EP400: variants seen among roughly 807,000 people sequenced by gnomAD.
The protein encoded by EP400 is E1A binding protein p400, also known as E1A-binding protein p400.
In EP400, 105 loss-of-function variants were observed where a neutral mutation model predicts 354.1. That is an observed-to-expected ratio of 0.30 (90% CI 0.25 to 0.35). The LOEUF (loss-of-function observed/expected upper bound fraction) is 0.35. Ranked by LOEUF, EP400 falls within the 10% of genes least tolerant of loss-of-function variation. The probability of loss-of-function intolerance (pLI) is 1.00; values close to 1 mark genes in which losing one functional copy is unlikely to be tolerated. For missense variants in EP400, 3,280 were observed against 4,121.0 expected, an observed-to-expected ratio of 0.80 and a Z score of 5.59; for synonymous variants, 1,646 against 1,716.9, an observed-to-expected ratio of 0.96 and a Z score of 1.02.
chr12:131,952,250 C>T (rs1167074474), intron 1 of EP400, among the ~76,000 whole-genome samples: 2 of 129,638 alleles, frequency 1.5e-5, no homozygotes, highest in African/African-American at 2.9e-5. Flanking sequence ...TTGCAGTGAG[C>T]GGAGATTGCG....
chr12:132,050,543 C>T lies in EP400; in HGVS notation c.7338-56C>T. 1 of 1,613,090 alleles carries T rather than the reference C, an allele frequency of 6.2e-7. No individual in the cohort carries two copies. Among genetic ancestry groups the T allele is most frequent in the Non-Finnish European group, 8.5e-7 (1 of 1,179,152 alleles). On this transcript the variant is annotated intron_variant, in intron 40 of 52. Coordinates refer to ENST00000389561, the MANE Select transcript of EP400 (RefSeq NM_015409.5). The surrounding 1 kb of genome is among the most constrained non-coding windows in gnomAD (Gnocchi z 4.8). ...TGGTTTTGATGTGTTTTTAACATACCCTTCTTCAGATATTTCCTTTATTTA... is the reference window on the plus strand; with the variant it reads ...TGGTTTTGATGTGTTTTTAACATACTCTTCTTCAGATATTTCCTTTATTTA...
At position 132,062,493 on chromosome 12, in the gene EP400, C is replaced by A; in HGVS notation, c.8126C>A (p.Thr2709Asn). The A allele has an allele frequency of 6.2e-7, 1 of 1,613,040 alleles. No homozygotes were observed. The highest frequency in any genetic ancestry group is 8.5e-7 in the Non-Finnish European group (1 of 1,179,910). ...QATGVQLPGK[T>N]ITPAHFQLLR... is the part of the protein sequence containing the mutation. Reference sequence around the variant, plus strand: ...ACAGGAGTTCAGCTCCCTGGAAAAACCATCACACCTGCACATTTCCAGCTT... The same window carrying A: ...ACAGGAGTTCAGCTCCCTGGAAAAAACATCACACCTGCACATTTCCAGCTT... Residue 2709 changes from threonine to asparagine, a missense_variant, in exon 47 of 53, where the codon ACC becomes AAC. This residue lies in a region of EP400 where 255 missense variants were observed against 295.9 expected (regional missense o/e 0.86). Transcript: ENST00000389561.
Position 132,075,919 on chromosome 12 carries a change from G to C in EP400, c.9022-597G>C, listed in dbSNP as rs1593393620. ...GCTGATAGGACACACAGGTGGCCCA[G>C]AGCCTCTTACTACGTCAAGACAGCG... On this transcript the variant is annotated intron_variant, in intron 51 of 52. Coordinates refer to ENST00000389561, the MANE Select transcript of EP400 (RefSeq NM_015409.5). This position sits in a 1 kb window ranked among gnomAD's most constrained non-coding sequence, Gnocchi z 4.5. The C allele has an allele frequency of 1.1e-5, 2 of 176,036 alleles. No individual in the cohort carries two copies. Among genetic ancestry groups the C allele is most frequent in the East Asian group, 2.8e-4 (2 of 7,040 alleles). The allele number at this position is 176,036 out of a possible 1,614,324, so 10.9% of individuals were successfully genotyped here.
At chr12:131,958,162 C>G (rs1593308446) in intron 1 of EP400, among the ~76,000 whole-genome samples, 1 of 152,230 alleles carries the variant, frequency 6.6e-6, no homozygotes, top group African/African-American at 2.4e-5. Flanking sequence ...TCACACTAAT[C>G]TCCTATCATA....
At chr12:131,974,268 C>T (rs942403535) in intron 2 of EP400, among the ~76,000 whole-genome samples, 19 of 151,940 alleles carry the variant, frequency 1.3e-4, no homozygotes, top group Admixed American at 3.3e-4. Flanking sequence ...CGTGAGCCAC[C>T]GCGCCTGGCC....
At chr12:132,077,331 G>C in intron 52 of EP400, 70 bp from the exon 53 acceptor site, 4 of 1,537,946 alleles carry the variant, frequency 2.6e-6, no homozygotes, top group Non-Finnish European at 3.5e-6. Flanking sequence ...CCATCCCAAA[G>C]AACGTCCATT....
chr12:131,979,662 T>A (rs1466897726), intron 2 of EP400, 32 bp from the exon 3 acceptor site: 1 of 1,590,512 alleles, frequency 6.3e-7, no homozygotes, highest in Non-Finnish European at 8.5e-7. Context: ...CCTTCAGTGA[T>A]CAAAATCTCA....
intron 45 of EP400, among the ~76,000 whole-genome samples, chr12:132,055,503 T>G (rs113697245): frequency 6.3e-4 from 50 of 79,636 alleles, no homozygotes; most frequent in Admixed American, 2.6e-3. Context: ...GAGGTGTAGG[T>G]GTGTGTGTGT....
intron 51 of EP400, 183 bp from the exon 52 acceptor site, chr12:132,076,333 C>T (rs1022086179): frequency 2.9e-6 from 2 of 696,930 alleles, no homozygotes; most frequent in African/African-American, 3.5e-5. Context: ...TCAGTTGACT[C>T]ACCATGCAGT....
In EP400 at chr12:132,078,821, G is replaced by C. The variant is rs913297290; in HGVS notation, c.*1148G>C. On this transcript the variant is annotated 3_prime_UTR_variant, in exon 53 of 53. Coordinates refer to ENST00000389561, the MANE Select transcript of EP400 (RefSeq NM_015409.5). ...AACCACCTGTGCTGTTGTGGAAGGCGTGCCGTTGAGGGGGAAAACGAAGCC... is the reference window on the plus strand; with the variant it reads ...AACCACCTGTGCTGTTGTGGAAGGCCTGCCGTTGAGGGGGAAAACGAAGCC... 6.6e-6 allele frequency: 1 copy of C among 152,236 alleles called. No individual in the cohort carries two copies. Among genetic ancestry groups the C allele is most frequent in the Admixed American group, 6.5e-5 (1 of 15,282 alleles). 9.4% of individuals were successfully genotyped at this position (152,236 alleles called of 1,614,324 possible). A position where few individuals can be genotyped will look rare whatever the true frequency, so the allele number is the denominator to read the frequency against.
intron 16 of EP400, among the ~76,000 whole-genome samples, chr12:132,012,107 T>C (rs1893787486): frequency 6.6e-6 from 1 of 152,252 alleles, no homozygotes; most frequent in East Asian, 1.9e-4. Context: ...TTTCTAGTAC[T>C]AGGTCACTGA....
At chr12:132,053,801 C>T (rs1593376911) in intron 43 of EP400, among the ~76,000 whole-genome samples, 1 of 152,228 alleles carries the variant, frequency 6.6e-6, no homozygotes, top group South Asian at 2.1e-4. Flanking sequence ...TGCCATTTCT[C>T]TCCTCCAGGG....
chr12:131,964,631 T>A (rs897697183), intron 2 of EP400, among the ~76,000 whole-genome samples: 28 of 152,256 alleles, frequency 1.8e-4, no homozygotes, highest in African/African-American at 5.3e-4. Flanking sequence ...CAATTAATTA[T>A]TTTAAAAACC....
chr12:132,049,308 T>G (rs1178991739), intron 39 of EP400, among the ~76,000 whole-genome samples: 1 of 152,262 alleles, frequency 6.6e-6, no homozygotes, highest in African/African-American at 2.4e-5. Context: ...ATTAGTCTTA[T>G]GCACCCCTTC....
At chr12:132,071,744 C>T (rs1184711016) in intron 51 of EP400, among the ~76,000 whole-genome samples, 2 of 152,180 alleles carry the variant, frequency 1.3e-5, no homozygotes, top group Non-Finnish European at 2.9e-5. Context: ...CCTGTGCACC[C>T]CTCTGCACTT....
chr12:132,040,162 A>G (rs1412533967), intron 32 of EP400, among the ~76,000 whole-genome samples: 1 of 152,192 alleles, frequency 6.6e-6, no homozygotes. Context: ...TAAAAACCAC[A>G]GGAGGTACCA....
chr12:131,997,359 C>T (rs1203124378), intron 12 of EP400, among the ~76,000 whole-genome samples: 1 of 151,316 alleles, frequency 6.6e-6, no homozygotes, highest in Non-Finnish European at 1.5e-5. Context: ...GCCTTGACTT[C>T]TTGGGCTCAG....
chr12:132,051,822 G>C (rs759359523), intron 41 of EP400, among the ~76,000 whole-genome samples: 2 of 152,066 alleles, frequency 1.3e-5, no homozygotes, highest in Non-Finnish European at 2.9e-5. Context: ...GGGAAAGGGA[G>C]ACTCCCTTTC....
At chr12:132,053,279 A>T in intron 42 of EP400, 55 bp downstream of exon 42, 1 of 1,609,620 alleles carries the variant, frequency 6.2e-7, no homozygotes, top group Non-Finnish European at 8.5e-7. Context: ...CTGTGACTTC[A>T]TCCAGGGGGT....
Sources: allele counts gnomAD v4.1 joint callset (sites outside exome capture counted in the v4.1 genomes callset), GRCh38; gene constraint gnomAD v4.1.1; regional missense constraint gnomAD v4.1.1; non-coding constraint Gnocchi (gnomAD v3.1); transcripts MANE v1.5; gene names NCBI Gene and HGNC (gene_info 2026-07-23, HGNC 2026-07-21).